The following FHOD3 variants were observed in gnomAD, a reference collection of about 807,000 sequenced individuals.
FHOD3 encodes the protein formin homology 2 domain containing 3.
Under a neutral mutation model 173.0 loss-of-function variants are expected in FHOD3, and 90 were observed. The ratio of observed to expected loss-of-function variants is 0.52; its 90% CI spans 0.44 to 0.62. FHOD3 has a LOEUF of 0.62. Among genes scored for constraint, FHOD3 ranks in the 20% least tolerant of loss-of-function variants. FHOD3 has a pLI of 0.00. For synonymous variants in FHOD3, 828 were observed against 823.0 expected, an observed-to-expected ratio of 1.01 and a Z score of -0.10; for missense variants, 1,945 against 2,034.7, an observed-to-expected ratio of 0.96 and a Z score of 0.85.
intron 1 of FHOD3, among the ~76,000 whole-genome samples, chr18:36,348,252 A>G (rs994566985): frequency 1.3e-5 from 2 of 152,218 alleles, no homozygotes; most frequent in Admixed American, 1.3e-4. Flanking sequence ...GCCTAGCAAC[A>G]AAAGTACCAT....
At chr18:36,461,459 G>GT (rs113378884) in intron 3 of FHOD3, among the ~76,000 whole-genome samples, 126 of 138,140 alleles carry the variant, frequency 9.1e-4, no homozygotes, top group South Asian at 4.4e-3. Flanking sequence ...TTGTGTGTGT[G>GT]TTTTTTTTTT....
At chr18:36,634,320 T>C (rs548793046) in intron 10 of FHOD3, among the ~76,000 whole-genome samples, 9 of 152,224 alleles carry the variant, frequency 5.9e-5, no homozygotes, top group African/African-American at 1.4e-4. Context: ...AGCCTACTTA[T>C]GGAACTGTGC....
chr18:36,364,444 G>A (rs930427026), intron 2 of FHOD3, among the ~76,000 whole-genome samples: 1 of 152,108 alleles, frequency 6.6e-6, no homozygotes, highest in Non-Finnish European at 1.5e-5. Context: ...TATGATTTTG[G>A]CCAGACGCTC....
At chr18:36,562,974 C>G (rs1047499805) in intron 5 of FHOD3, among the ~76,000 whole-genome samples, 3 of 152,168 alleles carry the variant, frequency 2.0e-5, no homozygotes, top group African/African-American at 7.2e-5. Flanking sequence ...CAGTCAGGGC[C>G]TGGGATGCCG....
intron 10 of FHOD3, among the ~76,000 whole-genome samples, chr18:36,630,642 C>T (rs1180089067): frequency 3.3e-5 from 5 of 152,164 alleles, no homozygotes; most frequent in Non-Finnish European, 7.3e-5. Context: ...CCAGGCTTCA[C>T]GAACCTGTTC....
intron 27 of FHOD3, among the ~76,000 whole-genome samples, chr18:36,761,311 C>A (rs1019254103): frequency 6.6e-6 from 1 of 152,152 alleles, no homozygotes; most frequent in Non-Finnish European, 1.5e-5. Context: ...TTCAAAATGG[C>A]GGCCAGATTC....
Position 36,557,491 on chromosome 18 carries a change from C to T in FHOD3, c.512-18960C>T, listed in dbSNP as rs775174351. On this transcript the variant is annotated intron_variant, in intron 5 of 28. Transcript: ENST00000590592. ...GTGGTTTCATCTAAAAGTTCAATTT[C>T]GGTGTCTTTACTATCTTTCATGTAC... 3.9e-5 allele frequency among the ~76,000 whole-genome samples: 6 copies of T among 152,200 alleles called. No individual in the cohort carries two copies. In the East Asian group the frequency reaches 5.8e-4, roughly 15 times the overall value.
chr18:36,757,893 G>A lies in FHOD3; in HGVS notation c.4426-1225G>A, dbSNP rs2042699085. Among the ~76,000 whole-genome samples, 3 of 152,296 alleles carry A rather than the reference G, an allele frequency of 2.0e-5. No individual in the cohort carries two copies. The South Asian group carries it at 6.2e-4, about 32-fold the overall frequency. ...TTTCTGCCGCATTCACACTCGTGAG[G>A]TGGGCTGTGAGAACCCAGGCTGGTC... On this transcript the variant is annotated intron_variant, in intron 25 of 28. Transcript: ENST00000590592.
intron 3 of FHOD3, among the ~76,000 whole-genome samples, chr18:36,388,518 G>A (rs151209302): frequency 2.5e-4 from 38 of 152,284 alleles, no homozygotes; most frequent in African/African-American, 8.7e-4. Flanking sequence ...GCATGCCCCA[G>A]GGGTCTTTTA....
chr18:36,457,441 A>G (rs2052284232), intron 3 of FHOD3, among the ~76,000 whole-genome samples: 1 of 152,136 alleles, frequency 6.6e-6, no homozygotes, highest in Admixed American at 6.5e-5. Context: ...GCTCTGTAGC[A>G]CACACAAGCT....
intron 4 of FHOD3, among the ~76,000 whole-genome samples, chr18:36,504,348 G>A (rs1025077382): frequency 1.3e-5 from 2 of 151,886 alleles, no homozygotes; most frequent in African/African-American, 4.8e-5. Flanking sequence ...CCCTAATTAG[G>A]GTCCCTCCGA....
At position 36,322,555 on chromosome 18, in the gene FHOD3, G is replaced by A. The variant is rs969348663; in HGVS notation, c.165+24555G>A. On this transcript the variant is annotated intron_variant, in intron 1 of 28. Coordinates refer to ENST00000590592, the MANE Select transcript of FHOD3 (RefSeq NM_001281740.3). ...CAGGTTTGGGTGCCGGGGTTGGCAG[G>A]TTCCATGGGGGATTGGTGGGCACAG... is the stretch of plus-strand genomic sequence containing the variant. Among the ~76,000 whole-genome samples, 7 of 152,240 alleles carry A rather than the reference G, an allele frequency of 4.6e-5. No homozygotes were observed. The East Asian group carries it at 1.4e-3, about 29-fold the overall frequency.
chr18:36,430,932 A>G (rs1295120565), intron 3 of FHOD3, among the ~76,000 whole-genome samples: 3 of 152,246 alleles, frequency 2.0e-5, no homozygotes, highest in African/African-American at 7.2e-5. Flanking sequence ...TCATTAAAAA[A>G]AAATCAGTGT....
At chr18:36,555,049 C>T (rs2057818714) in intron 5 of FHOD3, among the ~76,000 whole-genome samples, 1 of 151,950 alleles carries the variant, frequency 6.6e-6, no homozygotes, top group African/African-American at 2.4e-5. Flanking sequence ...CTGATTTCTC[C>T]TCTGATATTT....
intron 16 of FHOD3, among the ~76,000 whole-genome samples, chr18:36,688,571 A>T (rs1002719597): frequency 5.3e-5 from 8 of 152,190 alleles, no homozygotes; most frequent in Non-Finnish European, 1.0e-4. Flanking sequence ...TCTCACTAGT[A>T]CCTGTTTTTT....
intron 5 of FHOD3, among the ~76,000 whole-genome samples, chr18:36,534,386 C>T (rs2056907820): frequency 6.6e-6 from 1 of 152,244 alleles, no homozygotes; most frequent in Non-Finnish European, 1.5e-5. Context: ...TGATGAGGAG[C>T]AAGGGCTGTT....
chr18:36,544,007 A>T (rs1211460428), intron 5 of FHOD3, among the ~76,000 whole-genome samples: 1 of 152,198 alleles, frequency 6.6e-6, no homozygotes, highest in Admixed American at 6.5e-5. Flanking sequence ...CAAACAAAAC[A>T]TGTAAGATGG....
At chr18:36,658,543 T>C (rs1293700987) in intron 14 of FHOD3, among the ~76,000 whole-genome samples, 2 of 152,220 alleles carry the variant, frequency 1.3e-5, no homozygotes, top group African/African-American at 2.4e-5. Context: ...GTTTTCACCA[T>C]TGAATGATTA....
intron 18 of FHOD3, among the ~76,000 whole-genome samples, chr18:36,712,117 C>T (rs908172681): frequency 6.6e-6 from 1 of 152,210 alleles, no homozygotes; most frequent in African/African-American, 2.4e-5. Context: ...CCTCCACCAG[C>T]ACCTGTATGC....
Sources: allele counts gnomAD v4.1 joint callset (sites outside exome capture counted in the v4.1 genomes callset), GRCh38; gene constraint gnomAD v4.1.1; transcripts MANE v1.5; gene names NCBI Gene and HGNC (gene_info 2026-07-23, HGNC 2026-07-21).